The following CDK15 variants were observed in gnomAD, a reference collection of about 807,000 sequenced individuals.
The protein encoded by CDK15 is cyclin dependent kinase 15.
In CDK15, 62 loss-of-function variants were observed where a neutral mutation model predicts 60.3. That is an observed-to-expected ratio of 1.03 (90% CI 0.84 to 1.27). The LOEUF is 1.27. Ranked by LOEUF, CDK15 falls within the 50% of genes most tolerant of loss-of-function variation. The pLI, the probability that CDK15 is intolerant of heterozygous loss-of-function variation, is 0.00. For synonymous variants in CDK15, 194 were observed against 195.7 expected (o/e 0.99, Z 0.07); for missense variants, 541 against 527.8 (o/e 1.03, Z -0.25).
intron 4 of CDK15, among the ~76,000 whole-genome samples, chr2:201,813,397 A>T (rs1467793351): frequency 6.6e-6 from 1 of 152,242 alleles, no homozygotes; most frequent in Non-Finnish European, 1.5e-5. Context: ...TGCATGAGCC[A>T]TTTGAAATAA....
rs1391034476 is a variant in CDK15 at position 201,857,153 on chromosome 2, G to A, written c.1009+2216G>A. On this transcript the variant is annotated intron_variant, in intron 10 of 13. Transcript: ENST00000652192. ...AGGCAGGAGAATGGCGTGAACCCGG[G>A]AAGCGGAGCTTGCAGTGAGCCGAGA... 1.3e-4 allele frequency among the ~76,000 whole-genome samples: 6 copies of A among 45,270 alleles called. 1 individual carries two copies. The highest frequency in any genetic ancestry group is 1.1e-3 in the Admixed American group (6 of 5,362). 29.7% of individuals were successfully genotyped at this position (45,270 alleles called of 152,430 possible).
chr2:201,807,477 C>T lies in CDK15; in HGVS notation c.124-17C>T. On this transcript the variant is annotated splice_polypyrimidine_tract_variant and intron_variant, in intron 1 of 13. Transcript: ENST00000652192. ...ACTTTGCATAAATTTTATTTCTGCT[C>T]TTTCTTTTTTCTCTAGCTAACAGAC... is the stretch of plus-strand genomic sequence containing the variant. The T allele has an allele frequency of 5.0e-6, 8 of 1,603,880 alleles. No homozygotes were observed. The highest frequency in any genetic ancestry group is 3.3e-5 in the South Asian group (3 of 89,780).
At chr2:201,846,095 T>C (rs1234058336) in intron 8 of CDK15, among the ~76,000 whole-genome samples, 1 of 152,146 alleles carries the variant, frequency 6.6e-6, no homozygotes, top group Non-Finnish European at 1.5e-5. Flanking sequence ...TAAATCAGGA[T>C]GCACCTTATA....
chr2:201,874,718 C>T (rs1699007203), intron 11 of CDK15, among the ~76,000 whole-genome samples: 1 of 152,148 alleles, frequency 6.6e-6, no homozygotes, highest in South Asian at 2.1e-4. Context: ...TGGTGATCTC[C>T]TTAATGTGGG....
At chr2:201,844,749 A>C (rs1697567702) in intron 8 of CDK15, among the ~76,000 whole-genome samples, 1 of 152,138 alleles carries the variant, frequency 6.6e-6, no homozygotes, top group Non-Finnish European at 1.5e-5. Flanking sequence ...TGAGGTTTGG[A>C]GTTCAAGACC....
At chr2:201,834,147 T>G (rs1051830905) in intron 7 of CDK15, among the ~76,000 whole-genome samples, 176 bp downstream of exon 7, 2 of 152,192 alleles carry the variant, frequency 1.3e-5, no homozygotes, top group Non-Finnish European at 2.9e-5. Context: ...GAGGGATTGG[T>G]AGCTTTCTAG....
At chr2:201,829,376 A>G (rs1696650556) in intron 6 of CDK15, among the ~76,000 whole-genome samples, 1 of 152,170 alleles carries the variant, frequency 6.6e-6, no homozygotes, top group South Asian at 2.1e-4. Flanking sequence ...TGATGGTGGG[A>G]GAAAGTGGAC....
At position 201,872,298 on chromosome 2, in the gene CDK15, C is replaced by A. The variant is rs1411204752; in HGVS notation, c.1030C>A (p.Pro344Thr). 6.2e-7 allele frequency: 1 copy of A among 1,613,952 alleles called. No individual in the cohort carries two copies. Among genetic ancestry groups the A allele is most frequent in the African/African-American group, 1.3e-5 (1 of 74,892 alleles). Residue 344 changes from proline to threonine, a missense_variant, in exon 11 of 14, where the codon CCT (proline) becomes ACT (threonine). Coordinates refer to ENST00000652192, the MANE Select transcript of CDK15 (RefSeq NM_001366386.2). ...YNPEWFPLPT[P>T]RSLHVVWNRL... Reference sequence around the variant, plus strand: ...CCCAGAATGGTTCCCACTGCCTACGCCTCGAAGCCTTCATGTTGTCTGGAA... The same window carrying A: ...CCCAGAATGGTTCCCACTGCCTACGACTCGAAGCCTTCATGTTGTCTGGAA...
At chr2:201,855,050 G>A (rs1298908567) in intron 10 of CDK15, 113 bp downstream of exon 10, 9 of 874,084 alleles carry the variant, frequency 1.0e-5, no homozygotes, top group South Asian at 1.0e-4. Flanking sequence ...GATGGGTGTA[G>A]AGGAATTTCT....
chr2:201,812,924 C>T (rs1353942699), intron 4 of CDK15, among the ~76,000 whole-genome samples: 1 of 152,160 alleles, frequency 6.6e-6, no homozygotes, highest in Admixed American at 6.5e-5. Flanking sequence ...GGAAATTTGC[C>T]TGAACATAAC....
intron 10 of CDK15, among the ~76,000 whole-genome samples, chr2:201,856,221 G>A (rs759603692): frequency 4.6e-5 from 7 of 152,138 alleles, no homozygotes. Flanking sequence ...TTAAAGAAGA[G>A]AATAAAATAC....
intron 3 of CDK15, among the ~76,000 whole-genome samples, chr2:201,812,209 A>G (rs1695808195): frequency 6.6e-6 from 1 of 150,756 alleles, no homozygotes; most frequent in Non-Finnish European, 1.5e-5. Context: ...ACAAAAAAAC[A>G]CTACAATAAG....
At position 201,874,020 on chromosome 2, in the gene CDK15, T is replaced by C. The variant is rs182662162; in HGVS notation, c.1058+1694T>C. Reference sequence around the variant, plus strand: ...AGTGAGCTGAGATCGTGCCACTGCATTCCAGCCTGGGAGACAGAGTGAGAC... The same window carrying C: ...AGTGAGCTGAGATCGTGCCACTGCACTCCAGCCTGGGAGACAGAGTGAGAC... On this transcript the variant is annotated intron_variant, in intron 11 of 13. Transcript: ENST00000652192. Among the ~76,000 whole-genome samples the C allele has an allele frequency of 1.6e-3, 232 of 140,766 alleles. 1 individual carries two copies. Among genetic ancestry groups the C allele is most frequent in the Non-Finnish European group, 2.9e-3 (198 of 67,212 alleles). The allele number at this position is 140,766 out of a possible 152,430, so 92.3% of individuals were successfully genotyped here. A position where few individuals can be genotyped will look rare whatever the true frequency, so the allele number is the denominator to read the frequency against.
Position 201,807,950 on chromosome 2 carries a change from C to T in CDK15, c.366C>T (p.Ser122=). ...GSYATVYKGI[S]RINGQLVALK... is the part of the protein sequence containing the mutation. ...ATGCGACAGTTTACAAGGGGATTAG[C>T]AGGTGAGTGACACATAGCTGGGAGA... The change falls in exon 3 of 14, where the codon AGC becomes AGT. Residue 122 remains serine, a splice_region_variant and synonymous_variant. Coordinates refer to ENST00000652192, the MANE Select transcript of CDK15 (RefSeq NM_001366386.2). 1 of 1,612,830 alleles carries T rather than the reference C, an allele frequency of 6.2e-7. No individual in the cohort carries two copies. Among genetic ancestry groups the T allele is most frequent in the Non-Finnish European group, 8.5e-7 (1 of 1,179,406 alleles).
intron 10 of CDK15, among the ~76,000 whole-genome samples, chr2:201,864,084 G>A (rs558535048): frequency 6.6e-6 from 1 of 152,216 alleles, no homozygotes; most frequent in Non-Finnish European, 1.5e-5. Context: ...TAGGGACTGA[G>A]AGAGTAAAAA....
intron 4 of CDK15, among the ~76,000 whole-genome samples, chr2:201,814,593 G>T (rs557878810): frequency 6.6e-6 from 1 of 152,232 alleles, no homozygotes; most frequent in East Asian, 1.9e-4. Flanking sequence ...GGAGACAGGA[G>T]GTTAAATGAG....
rs1002933870 is a variant in CDK15, at chr2:201,893,390, C to A, written c.*123C>A. The A allele has an allele frequency of 6.6e-6, 1 of 152,116 alleles. No individual in the cohort carries two copies. Among genetic ancestry groups the A allele is most frequent in the African/African-American group, 2.4e-5 (1 of 41,398 alleles). 9.4% of individuals were successfully genotyped at this position (152,116 alleles called of 1,614,324 possible). A position where few individuals can be genotyped will look rare whatever the true frequency, so the allele number is the denominator to read the frequency against. On this transcript the variant is annotated 3_prime_UTR_variant, in exon 14 of 14. Transcript: ENST00000652192. Reference sequence around the variant, plus strand: ...CCATACTGAACAAGGGGCTTTATGTCCTCACCTATGACCTGGAATAGTTTA... The same window carrying A: ...CCATACTGAACAAGGGGCTTTATGTACTCACCTATGACCTGGAATAGTTTA...
intron 4 of CDK15, among the ~76,000 whole-genome samples, chr2:201,820,485 C>T (rs2106166431): frequency 6.6e-6 from 1 of 152,240 alleles, no homozygotes; most frequent in South Asian, 2.1e-4. Flanking sequence ...CTCATATCAA[C>T]CCTATGAAGT....
rs201637890 is a variant in CDK15, at chr2:201,837,324, A to AG, written c.851+1561_851+1562insG. ...GAAACAGAGAGAGAGAGAGAGAGAG[A>AG]AAGAAAGGAAAAGAGAAGGAGAGGG... On this transcript the variant is annotated intron_variant, in intron 8 of 13. Transcript: ENST00000652192. 2.9e-3 allele frequency among the ~76,000 whole-genome samples: 395 copies of AG among 136,784 alleles called. 6 individuals are homozygous for AG. Among genetic ancestry groups the AG allele is most frequent in the African/African-American group, 9.8e-3 (363 of 36,988 alleles). 89.7% of individuals were successfully genotyped at this position (136,784 alleles called of 152,430 possible).
Sources: gnomAD v4.1 joint callset for allele counts (sites outside exome capture counted in the v4.1 genomes callset) on GRCh38, gnomAD v4.1.1 for gene constraint, MANE v1.5 for transcripts, NCBI Gene and HGNC (gene_info 2026-07-23, HGNC 2026-07-21) for gene names.